DCAF6: variants seen among roughly 807,000 people sequenced by gnomAD.
The protein encoded by DCAF6 is DDB1- and CUL4-associated factor 6.
Under a neutral mutation model 125.1 loss-of-function variants are expected in DCAF6, and 54 were observed. That is an observed-to-expected ratio of 0.43 (90% CI 0.35 to 0.54). The LOEUF is 0.54. Among genes scored for constraint, DCAF6 ranks in the 20% least tolerant of loss-of-function variants. The pLI, the probability that DCAF6 is intolerant of heterozygous loss-of-function variation, is 0.01. For synonymous variants in DCAF6, 371 were observed against 390.4 expected (o/e 0.95, Z 0.58); for missense variants, 934 against 1,161.7 (o/e 0.80, Z 2.85).
chr1:168,021,230 G>A (rs1685633143), intron 11 of DCAF6, among the ~76,000 whole-genome samples: 1 of 152,012 alleles, frequency 6.6e-6, no homozygotes, highest in East Asian at 1.9e-4. Context: ...ATAAATGTTT[G>A]AAGATAAGAT....
chr1:167,901,652 A>C, the DCAF6 span: 3 of 1,613,726 alleles, frequency 1.9e-6, no homozygotes, highest in Non-Finnish European at 2.5e-6. Flanking sequence ...ATTCCTTCTC[A>C]AATGCTTACC....
At chr1:168,008,797 C>T (rs1233618723) in intron 10 of DCAF6, among the ~76,000 whole-genome samples, 2 of 151,462 alleles carry the variant, frequency 1.3e-5, no homozygotes, top group Admixed American at 1.3e-4. Context: ...TGATTTCTTT[C>T]GGTTATCAGA....
At chr1:168,066,236 A>G (rs1230338565) in intron 19 of DCAF6, 141 bp from the exon 20 acceptor site, 1 of 455,816 alleles carries the variant, frequency 2.2e-6, no homozygotes, top group East Asian at 3.5e-5. Flanking sequence ...TCAAAATAAT[A>G]TTTTCAATTA....
the DCAF6 span, chr1:167,880,419 C>T: frequency 1.8e-6 from 2 of 1,140,604 alleles, no homozygotes. Context: ...CTTTCCTGTT[C>T]CCTGCATGCC....
chr1:167,919,958 A>G, the DCAF6 span: 1 of 1,572,670 alleles, frequency 6.4e-7, no homozygotes, highest in Non-Finnish European at 8.6e-7. Flanking sequence ...ACAGTTTTAA[A>G]AATATCTCTG....
intron 1 of DCAF6, among the ~76,000 whole-genome samples, chr1:167,947,879 A>G (rs1673311880): frequency 6.6e-6 from 1 of 152,160 alleles, no homozygotes; most frequent in African/African-American, 2.4e-5. Context: ...ATGTCTGTTA[A>G]GTTCATTTGG....
At chr1:167,890,630 T>A in the DCAF6 span, among the ~76,000 whole-genome samples, 1 of 152,144 alleles carries the variant, frequency 6.6e-6, no homozygotes, top group South Asian at 2.1e-4. Context: ...CAGGTTTGTG[T>A]CTTTCCCTTC....
chr1:168,015,675 A>T (rs192900759), intron 10 of DCAF6, 106 bp from the exon 11 acceptor site: 2 of 986,362 alleles, frequency 2.0e-6, no homozygotes, highest in Non-Finnish European at 2.8e-6. Flanking sequence ...CCTCTATGAG[A>T]CATGTGTTTT....
At chr1:168,043,984 G>T (rs1367218719) in intron 14 of DCAF6, among the ~76,000 whole-genome samples, 1 of 152,102 alleles carries the variant, frequency 6.6e-6, no homozygotes, top group Non-Finnish European at 1.5e-5. Context: ...TAAAATGCAG[G>T]ATCAGGTAAT....
At position 168,024,674 on chromosome 1, in the gene DCAF6, C is replaced by T. The variant is rs185963791; in HGVS notation, c.1609+1627C>T. Among the ~76,000 whole-genome samples the T allele has an allele frequency of 2.6e-4, 39 of 151,990 alleles. No homozygotes were observed. In the East Asian group the frequency reaches 7.2e-3, roughly 28 times the overall value. On this transcript the variant is annotated intron_variant, in intron 12 of 21. Coordinates refer to ENST00000367840, the MANE Select transcript of DCAF6 (RefSeq NM_001198956.2). ...CAAAAATTAGCCGGATGTGGTGGCC[C>T]GTGCCTGTAATCCTAGCTACTCAGG...
At chr1:168,075,245 TA>T in intron 21 of DCAF6, 125 bp from the exon 22 acceptor site, 1 of 789,412 alleles carries the variant, frequency 1.3e-6, no homozygotes, top group Non-Finnish European at 2.0e-6. Context: ...TATTTGCCTC[TA>T]AAGACATCCA....
At chr1:168,018,526 T>A (rs988815828) in intron 11 of DCAF6, among the ~76,000 whole-genome samples, 2 of 152,126 alleles carry the variant, frequency 1.3e-5, no homozygotes, top group Admixed American at 1.3e-4. Flanking sequence ...GCTCCTCTGC[T>A]CCCTGAAGCC....
At chr1:167,888,844 C>T in the DCAF6 span, among the ~76,000 whole-genome samples, 1 of 77,728 alleles carries the variant, frequency 1.3e-5, no homozygotes, top group Admixed American at 1.4e-4. Flanking sequence ...CAACTGCAGT[C>T]CAGCCTGGGC....
At chr1:167,875,505 A>G in the DCAF6 span, among the ~76,000 whole-genome samples, 167 of 152,356 alleles carry the variant, frequency 1.1e-3, 1 homozygote, top group African/African-American at 3.8e-3. Context: ...GTAGATTTCA[A>G]TGTGGTGCAG....
chr1:167,935,620 G>C (rs1440642445), upstream of DCAF6: 4 of 794,488 alleles, frequency 5.0e-6, no homozygotes, highest in Non-Finnish European at 8.4e-6. Flanking sequence ...TTGAAGGGAA[G>C]GGATTGGGGC....
chr1:168,023,902 A>G (rs1685979288), intron 12 of DCAF6: 1 of 152,176 alleles, frequency 6.6e-6, no homozygotes, highest in African/African-American at 2.4e-5. Flanking sequence ...ATTTAACACG[A>G]TATTCACTTT....
chr1:167,878,132 A>G, the DCAF6 span, among the ~76,000 whole-genome samples: 1 of 152,182 alleles, frequency 6.6e-6, no homozygotes, highest in Non-Finnish European at 1.5e-5. Context: ...ATAATATTAA[A>G]TGGTTGGTGA....
chr1:167,921,588 C>G, the DCAF6 span, among the ~76,000 whole-genome samples: 5 of 152,118 alleles, frequency 3.3e-5, no homozygotes, highest in Non-Finnish European at 5.9e-5. Flanking sequence ...GTGTTTTTAA[C>G]ACTGTCTCTA....
the DCAF6 span, chr1:167,878,720 AT>A: frequency 7.3e-7 from 1 of 1,377,342 alleles, no homozygotes; most frequent in African/African-American, 1.4e-5. Context: ...CCCAAATAGC[AT>A]TTTTACCCTT....
Sources: gnomAD v4.1 joint callset for allele counts (sites outside exome capture counted in the v4.1 genomes callset) on GRCh38, gnomAD v4.1.1 for gene constraint, MANE v1.5 for transcripts, NCBI Gene and HGNC (gene_info 2026-07-23, HGNC 2026-07-21) for gene names.